Variants in ARHGAP10 observed in about 807,000 individuals in gnomAD.
ARHGAP10 encodes the protein rho GTPase-activating protein 10.
Under a neutral mutation model 108.6 loss-of-function variants are expected in ARHGAP10, and 87 were observed. The ratio of observed to expected loss-of-function variants is 0.80; its 90% CI spans 0.67 to 0.96. ARHGAP10 has a LOEUF of 0.96. Among genes scored for constraint, ARHGAP10 ranks in the 40% least tolerant of loss-of-function variants. The pLI is 0.00. For synonymous variants in ARHGAP10, 347 were observed against 341.1 expected (o/e 1.02, Z -0.19); for missense variants, 939 against 954.5 (o/e 0.98, Z 0.21).
intron 20 of ARHGAP10, among the ~76,000 whole-genome samples, chr4:148,049,855 G>A (rs200278279): frequency 4.6e-5 from 6 of 129,840 alleles, no homozygotes; most frequent in Admixed American, 1.6e-4. Context: ...GGCGGGGGGC[G>A]GGGGGTGGTG....
At chr4:147,974,431 G>A (rs1363806536) in intron 18 of ARHGAP10, among the ~76,000 whole-genome samples, 2 of 152,136 alleles carry the variant, frequency 1.3e-5, no homozygotes, top group African/African-American at 4.8e-5. Context: ...AAGCATCAAA[G>A]ATCATATTAA....
intron 10 of ARHGAP10, 78 bp from the exon 11 acceptor site, chr4:147,906,560 T>A: frequency 7.0e-7 from 1 of 1,423,606 alleles, no homozygotes; most frequent in Non-Finnish European, 9.8e-7. Flanking sequence ...AAAAAAATGG[T>A]TACAACAGTT....
Position 147,806,846 on chromosome 4 carries a change from T to A in ARHGAP10, c.155-15881T>A, listed in dbSNP as rs369774769. Among the ~76,000 whole-genome samples the A allele has an allele frequency of 1.2e-4, 19 of 152,182 alleles. 7 individuals are homozygous for A. ...CCTCCTGAGTAGCTGGGACCACAAGTGTATGCCATCCTGCCCAGCTAAAGG... is the reference window on the plus strand; with the variant it reads ...CCTCCTGAGTAGCTGGGACCACAAGAGTATGCCATCCTGCCCAGCTAAAGG... On this transcript the variant is annotated intron_variant, in intron 1 of 22. Transcript: ENST00000336498.
At chr4:148,042,488 T>G (rs1728674503) in intron 19 of ARHGAP10, among the ~76,000 whole-genome samples, 2 of 152,204 alleles carry the variant, frequency 1.3e-5, no homozygotes, top group Non-Finnish European at 2.9e-5. Flanking sequence ...GCTCTCCTGT[T>G]TCTTTTCTTT....
intron 7 of ARHGAP10, among the ~76,000 whole-genome samples, chr4:147,868,459 C>A (rs973376956): frequency 6.6e-6 from 1 of 152,110 alleles, no homozygotes; most frequent in Non-Finnish European, 1.5e-5. Flanking sequence ...GCTGCTCAAA[C>A]TTCAGGGTTC....
At chr4:147,932,885 G>T (rs1737760642) in intron 13 of ARHGAP10, among the ~76,000 whole-genome samples, 1 of 152,162 alleles carries the variant, frequency 6.6e-6, no homozygotes, top group Admixed American at 6.5e-5. Context: ...CTCCAGGCAG[G>T]TTTGGTGTGG....
chr4:147,886,500 G>A (rs1735570010), intron 10 of ARHGAP10, among the ~76,000 whole-genome samples: 1 of 152,174 alleles, frequency 6.6e-6, no homozygotes, highest in Admixed American at 6.5e-5. Context: ...AAGCCCTACA[G>A]TCTGTTGTTC....
chr4:147,948,318 C>T (rs950657890), intron 15 of ARHGAP10, among the ~76,000 whole-genome samples: 2 of 150,800 alleles, frequency 1.3e-5, no homozygotes, highest in Admixed American at 1.3e-4. Flanking sequence ...TTTAAAAAGT[C>T]AGTCAAAATA....
intron 1 of ARHGAP10, among the ~76,000 whole-genome samples, chr4:147,753,732 G>A (rs887903676): frequency 1.3e-5 from 2 of 152,102 alleles, no homozygotes; most frequent in Non-Finnish European, 2.9e-5. Flanking sequence ...AATTATATTT[G>A]AGAGAATGAT....
chr4:147,982,871 T>A (rs1002803901), intron 18 of ARHGAP10, among the ~76,000 whole-genome samples: 1 of 151,776 alleles, frequency 6.6e-6, no homozygotes, highest in Non-Finnish European at 1.5e-5. Flanking sequence ...CTCAAATACT[T>A]ACTTACTTTC....
At chr4:147,781,873 G>T (rs906987795) in intron 1 of ARHGAP10, among the ~76,000 whole-genome samples, 6 of 151,966 alleles carry the variant, frequency 3.9e-5, no homozygotes, top group Non-Finnish European at 8.8e-5. Flanking sequence ...TTCTTAGTCA[G>T]ATTTGTATAA....
chr4:148,028,022 A>C (rs28410156), intron 19 of ARHGAP10, among the ~76,000 whole-genome samples: 36,133 of 151,964 alleles, frequency 0.24, 6,529 homozygotes, highest in African/African-American at 0.51. Context: ...TTTTTCCTTT[A>C]AAGGAGCTAA....
intron 18 of ARHGAP10, among the ~76,000 whole-genome samples, chr4:147,968,717 A>G (rs10519926): frequency 0.24 from 36,043 of 152,104 alleles, 7,133 homozygotes; most frequent in African/African-American, 0.55. Flanking sequence ...TGCTAATAAC[A>G]TTCCTGACTT....
intron 20 of ARHGAP10, among the ~76,000 whole-genome samples, chr4:148,058,837 G>A (rs772030188): frequency 9.2e-5 from 14 of 152,168 alleles, no homozygotes; most frequent in African/African-American, 2.9e-4. Flanking sequence ...GTCTTTCCCC[G>A]AAATTCAGGC....
intron 3 of ARHGAP10, among the ~76,000 whole-genome samples, chr4:147,829,229 T>G: frequency 6.6e-6 from 1 of 152,026 alleles, no homozygotes; most frequent in Non-Finnish European, 1.5e-5. Flanking sequence ...TTTTTTTGTA[T>G]TTTTAGTAGA....
chr4:147,856,728 G>C (rs985989583), intron 4 of ARHGAP10, among the ~76,000 whole-genome samples: 3 of 152,130 alleles, frequency 2.0e-5, no homozygotes, highest in African/African-American at 7.2e-5. Flanking sequence ...ACCACTTCTG[G>C]TTCTAAGCAT....
chr4:148,024,672 A>G (rs1741697708), intron 19 of ARHGAP10, among the ~76,000 whole-genome samples: 1 of 152,238 alleles, frequency 6.6e-6, no homozygotes, highest in Admixed American at 6.5e-5. Context: ...CAATTAAGCT[A>G]TAATTTCAGA....
At chr4:148,062,360 G>T (rs1452397153) in intron 20 of ARHGAP10, among the ~76,000 whole-genome samples, 1 of 152,342 alleles carries the variant, frequency 6.6e-6, no homozygotes, top group East Asian at 1.9e-4. Flanking sequence ...GGGTATCTTA[G>T]GTGAAGAGCA....
At chr4:147,979,224 A>G (rs570811487) in intron 18 of ARHGAP10, among the ~76,000 whole-genome samples, 1 of 152,236 alleles carries the variant, frequency 6.6e-6, no homozygotes, top group South Asian at 2.1e-4. Context: ...TAGTTAATTT[A>G]TTGTATATGA....
Sources: allele counts gnomAD v4.1 joint callset (sites outside exome capture counted in the v4.1 genomes callset), GRCh38; gene constraint gnomAD v4.1.1; transcripts MANE v1.5; gene names NCBI Gene and HGNC (gene_info 2026-07-23, HGNC 2026-07-21).